The following SGCD variants were observed in gnomAD, a reference collection of about 807,000 sequenced individuals.
The protein encoded by SGCD is sarcoglycan delta.
SGCD carries 18 observed loss-of-function variants against 36.6 expected under a neutral mutation model. The observed-to-expected ratio is 0.49, with a 90% CI of 0.34 to 0.73. SGCD has a LOEUF of 0.73. Ranked by LOEUF, SGCD falls within the 30% of genes least tolerant of loss-of-function variation. SGCD has a pLI of 0.01. For missense variants in SGCD, 387 were observed against 346.7 expected (o/e 1.12, Z -0.92); for synonymous variants, 133 against 130.6 (o/e 1.02, Z -0.12).
chr5:156,743,465 T>C (rs1405094818), intron 7 of SGCD, among the ~76,000 whole-genome samples: 1 of 152,180 alleles, frequency 6.6e-6, no homozygotes, highest in African/African-American at 2.4e-5. Context: ...TTTTAACTCA[T>C]AAAATTACTT....
chr5:156,056,654 A>AAAAAAAAAAAAAC (rs1209421786), intron 1 of SGCD, among the ~76,000 whole-genome samples: 2 of 137,832 alleles, frequency 1.5e-5, no homozygotes, highest in Admixed American at 7.3e-5. Flanking sequence ...TTAAAAAAAA[A>AAAAAAAAAAAAAC]AAAAAAAAAA....
At chr5:155,886,493 T>TGTGC (rs1245414128) in intron 1 of SGCD, among the ~76,000 whole-genome samples, 1 of 151,246 alleles carries the variant, frequency 6.6e-6, no homozygotes, top group African/African-American at 2.5e-5. Context: ...TGTGTGTGTG[T>TGTGC]GCGCGCACGC....
chr5:156,336,284 G>A lies in SGCD; in HGVS notation c.3+6705G>A, dbSNP rs1190979418. 5.9e-5 allele frequency among the ~76,000 whole-genome samples: 9 copies of A among 152,194 alleles called. 1 individual carries two copies. The highest frequency in any genetic ancestry group is 2.0e-4 in the Admixed American group (3 of 15,280). The stretch of plus-strand genomic sequence containing the variant: ...TTACTCTCTTGCTTCTTTGTGTTTC[G>A]TTCTCAGATCTCTCTGGGATGGTCA... On this transcript the variant is annotated intron_variant, in intron 2 of 8. Transcript: ENST00000337851.
chr5:156,121,972 G>C (rs932161830), intron 2 of SGCD, among the ~76,000 whole-genome samples: 1 of 152,134 alleles, frequency 6.6e-6, no homozygotes, highest in African/African-American at 2.4e-5. Flanking sequence ...CCTAGAAATA[G>C]TTTTGGGGCT....
chr5:156,035,696 A>G (rs1759471538), intron 1 of SGCD, among the ~76,000 whole-genome samples: 1 of 152,140 alleles, frequency 6.6e-6, no homozygotes, highest in Non-Finnish European at 1.5e-5. Flanking sequence ...GAGAAATGTA[A>G]TTTGCCTTTC....
chr5:156,749,935 A>G (rs1028659616), intron 7 of SGCD, among the ~76,000 whole-genome samples: 3 of 151,998 alleles, frequency 2.0e-5, no homozygotes, highest in African/African-American at 7.2e-5. Flanking sequence ...TATAGAACAC[A>G]CTCTTTTATG....
intron 1 of SGCD, among the ~76,000 whole-genome samples, chr5:156,002,069 G>A (rs913819199): frequency 6.6e-6 from 1 of 152,220 alleles, no homozygotes; most frequent in Non-Finnish European, 1.5e-5. Flanking sequence ...TGAATTGTCC[G>A]CCTCTCATAT....
chr5:156,133,087 A>G (rs551376142), intron 3 of SGCD, among the ~76,000 whole-genome samples: 3 of 152,268 alleles, frequency 2.0e-5, no homozygotes, highest in Admixed American at 6.5e-5. Flanking sequence ...TTGGATCTCA[A>G]TTTCCTCGAA....
Position 156,380,548 on chromosome 5 carries a change from A to G in SGCD, c.192+35871A>G, listed in dbSNP as rs113562660. Among the ~76,000 whole-genome samples, 517 of 152,334 alleles carry G rather than the reference A, an allele frequency of 3.4e-3. 3 individuals carry two copies. The highest frequency in any genetic ancestry group is 0.012 in the African/African-American group (492 of 41,588). On this transcript the variant is annotated intron_variant, in intron 3 of 8. Coordinates refer to ENST00000337851, the MANE Select transcript of SGCD (RefSeq NM_000337.6). ...AGGCATTGTGACTTACAAGGCTAGC[A>G]GGTGGTTTCACTTGTGTTTAGAAGT...
intron 3 of SGCD, among the ~76,000 whole-genome samples, chr5:156,362,308 A>G (rs1234247508): frequency 2.6e-5 from 4 of 152,212 alleles, no homozygotes; most frequent in Non-Finnish European, 5.9e-5. Context: ...TTCAAAGCCA[A>G]TATTCCTATT....
chr5:156,555,707 A>G (rs565262663), intron 4 of SGCD, among the ~76,000 whole-genome samples: 70 of 148,014 alleles, frequency 4.7e-4, no homozygotes, highest in African/African-American at 1.6e-3. Flanking sequence ...ACTATTTGGG[A>G]ATTTTTGCCT....
intron 3 of SGCD, among the ~76,000 whole-genome samples, chr5:156,359,149 A>G (rs1769645312): frequency 6.6e-6 from 1 of 152,226 alleles, no homozygotes; most frequent in East Asian, 1.9e-4. Flanking sequence ...GAATCAGACT[A>G]TAATTACTCA....
intron 3 of SGCD, among the ~76,000 whole-genome samples, chr5:156,301,743 G>A (rs1024435378): frequency 8.7e-5 from 13 of 149,976 alleles, no homozygotes; most frequent in Admixed American, 6.0e-4. Context: ...AAGTGTTTCT[G>A]TTTCATGTTT....
chr5:156,418,518 C>A (rs182529818), intron 3 of SGCD, among the ~76,000 whole-genome samples: 1 of 152,272 alleles, frequency 6.6e-6, no homozygotes, highest in Admixed American at 6.5e-5. Context: ...ATCACTTTGT[C>A]TTTGAGAGAC....
chr5:155,907,060 T>G (rs1756531822), intron 1 of SGCD, among the ~76,000 whole-genome samples: 1 of 152,108 alleles, frequency 6.6e-6, no homozygotes, highest in Admixed American at 6.6e-5. Flanking sequence ...CAGTGCTCAT[T>G]TGCCATACTG....
At position 156,222,741 on chromosome 5, in the gene SGCD, C is replaced by A. The variant is rs186506789; in HGVS notation, c.-44+98722C>A. On this transcript the variant is annotated intron_variant, in intron 3 of 9. Coordinates refer to the SGCD transcript ENST00000517913. ...TTTAAAGTAAATAACATTTTAAATACCTACTAAAATAAAATATAATTCTTT... is the reference window on the plus strand; with the variant it reads ...TTTAAAGTAAATAACATTTTAAATAACTACTAAAATAAAATATAATTCTTT... Among the ~76,000 whole-genome samples the A allele has an allele frequency of 2.0e-3, 310 of 151,978 alleles. 1 individual carries two copies. The highest frequency in any genetic ancestry group is 7.2e-3 in the Admixed American group (109 of 15,236).
intron 1 of SGCD, among the ~76,000 whole-genome samples, chr5:155,953,756 C>T (rs1412664411): frequency 2.0e-5 from 3 of 152,206 alleles, no homozygotes; most frequent in African/African-American, 7.2e-5. Flanking sequence ...TTCCTTCCCT[C>T]CGACCTAGGC....
chr5:156,186,848 A>G (rs1420207919), intron 3 of SGCD, among the ~76,000 whole-genome samples: 1 of 152,196 alleles, frequency 6.6e-6, no homozygotes, highest in African/African-American at 2.4e-5. Flanking sequence ...TATGTGAAGT[A>G]TGGGAGTCAG....
the SGCD span, among the ~76,000 whole-genome samples, chr5:155,843,599 A>G: frequency 2.0e-5 from 3 of 152,234 alleles, no homozygotes; most frequent in Non-Finnish European, 4.4e-5. Context: ...TTACATGCAC[A>G]GGTGATATGA....
Sources: gnomAD v4.1 joint callset for allele counts (sites outside exome capture counted in the v4.1 genomes callset) on GRCh38, gnomAD v4.1.1 for gene constraint, MANE v1.5 for transcripts, NCBI Gene and HGNC (gene_info 2026-07-23, HGNC 2026-07-21) for gene names.